Variants in CCDC178 observed in about 807,000 individuals in gnomAD.
The protein encoded by CCDC178 is coiled-coil domain-containing protein 178.
In CCDC178, 126 loss-of-function variants were observed where a neutral mutation model predicts 117.4. The ratio of observed to expected loss-of-function variants is 1.07; its 90% CI spans 0.93 to 1.24. CCDC178 has a LOEUF of 1.24. CCDC178 is among the 50% of genes most tolerant of loss of function. The pLI is 0.00. For missense variants in CCDC178, 1,030 were observed against 986.9 expected, an observed-to-expected ratio of 1.04 and a Z score of -0.59; for synonymous variants, 283 against 313.4, an observed-to-expected ratio of 0.90 and a Z score of 1.02.
chr18:33,148,963 T>C lies in CCDC178; in HGVS notation c.2239-56053A>G, dbSNP rs2058308607. On this transcript the variant is annotated intron_variant, in intron 20 of 22. Transcript: ENST00000383096. ...TTCCCAGCCCCCTTGCTAGGAGCTATGTGTCTGTTTCTGGCCAATGCGCTG... is the reference window on the plus strand; with the variant it reads ...TTCCCAGCCCCCTTGCTAGGAGCTACGTGTCTGTTTCTGGCCAATGCGCTG... Among the ~76,000 whole-genome samples, 3 of 152,316 alleles carry C rather than the reference T, an allele frequency of 2.0e-5. 1 individual carries two copies. The South Asian group carries it at 6.2e-4, about 32-fold the overall frequency.
chr18:33,340,537 C>T (rs1011860180), intron 9 of CCDC178, among the ~76,000 whole-genome samples: 29 of 152,116 alleles, frequency 1.9e-4, no homozygotes, highest in African/African-American at 7.0e-4. Context: ...CATGGCAGAC[C>T]CTCCCATCAC....
At chr18:33,234,418 A>G (rs1248012399) in intron 15 of CCDC178, among the ~76,000 whole-genome samples, 5 of 152,112 alleles carry the variant, frequency 3.3e-5, no homozygotes, top group Non-Finnish European at 5.9e-5. Flanking sequence ...ACGAAGACCA[A>G]TGAAACAAGC....
At chr18:33,102,553 T>C (rs2057645023) in intron 20 of CCDC178, among the ~76,000 whole-genome samples, 2 of 151,526 alleles carry the variant, frequency 1.3e-5, no homozygotes, top group Admixed American at 6.6e-5. Flanking sequence ...TAATACAATA[T>C]CCTTATGGGT....
intron 21 of CCDC178, among the ~76,000 whole-genome samples, chr18:33,070,497 T>C (rs1267483425): frequency 6.6e-6 from 1 of 151,382 alleles, no homozygotes; most frequent in Non-Finnish European, 1.5e-5. Flanking sequence ...AGCAGAATGA[T>C]GGTTACTAGA....
chr18:33,169,419 AC>A (rs1403439373), intron 20 of CCDC178, among the ~76,000 whole-genome samples: 1 of 152,198 alleles, frequency 6.6e-6, no homozygotes, highest in Non-Finnish European at 1.5e-5. Flanking sequence ...GTGGTGGGTC[AC>A]TAGAAAAAAA....
At position 33,271,114 on chromosome 18, in the gene CCDC178, A is replaced by G. The variant is rs148690882; in HGVS notation, c.1177-3817T>C. ...CAGGGAAAATAGTTCAAAAATATATAGTCAAATCAATTGCAAAGTAATTAA... is the reference window on the plus strand; with the variant it reads ...CAGGGAAAATAGTTCAAAAATATATGGTCAAATCAATTGCAAAGTAATTAA... On this transcript the variant is annotated intron_variant, in intron 12 of 22. Coordinates refer to ENST00000383096, the MANE Select transcript of CCDC178 (RefSeq NM_001105528.4). Among the ~76,000 whole-genome samples, 426 of 151,698 alleles carry G rather than the reference A, an allele frequency of 2.8e-3. 1 individual carries two copies. The highest frequency in any genetic ancestry group is 1.0e-2 in the African/African-American group (413 of 41,500).
rs1339537412 is a variant in CCDC178 at position 33,362,221 on chromosome 18, T to C, written c.349-5875A>G. Among the ~76,000 whole-genome samples the C allele has an allele frequency of 2.0e-5, 3 of 151,052 alleles. No individual in the cohort carries two copies. In the South Asian group the frequency reaches 6.2e-4, roughly 31 times the overall value. On this transcript the variant is annotated intron_variant, in intron 6 of 22. Transcript: ENST00000383096. ...TATATATATAGCTAATATTCAGCCT[T>C]ATAAAAAATGGAGAGCCTGTTATTT...
At chr18:33,383,792 G>A (rs1011819143) in intron 5 of CCDC178, among the ~76,000 whole-genome samples, 1 of 152,102 alleles carries the variant, frequency 6.6e-6, no homozygotes, top group African/African-American at 2.4e-5. Flanking sequence ...CTCAAAGCTG[G>A]AATGCCTATT....
intron 6 of CCDC178, among the ~76,000 whole-genome samples, chr18:33,368,189 T>C (rs1033673443): frequency 2.0e-5 from 3 of 151,958 alleles, no homozygotes; most frequent in African/African-American, 7.2e-5. Flanking sequence ...ATCTGTACAG[T>C]AGAATTTCTA....
chr18:33,101,618 C>T (rs1031004017), intron 20 of CCDC178, among the ~76,000 whole-genome samples: 2 of 151,888 alleles, frequency 1.3e-5, no homozygotes, highest in African/African-American at 4.8e-5. Flanking sequence ...ACAATAACCA[C>T]AACTTATTCT....
At chr18:33,157,570 C>T (rs1351857553) in intron 20 of CCDC178, among the ~76,000 whole-genome samples, 1 of 152,146 alleles carries the variant, frequency 6.6e-6, no homozygotes, top group African/African-American at 2.4e-5. Flanking sequence ...AAAAAACAAT[C>T]TAACAGTAAT....
At chr18:33,274,119 A>G (rs765184026) in intron 12 of CCDC178, among the ~76,000 whole-genome samples, 2 of 151,878 alleles carry the variant, frequency 1.3e-5, no homozygotes, top group Non-Finnish European at 2.9e-5. Context: ...TATACAAATG[A>G]CAAACACAGG....
intron 20 of CCDC178, among the ~76,000 whole-genome samples, chr18:33,174,958 G>T (rs1283347969): frequency 6.6e-6 from 1 of 152,032 alleles, no homozygotes; most frequent in Non-Finnish European, 1.5e-5. Context: ...AGGTTCAAGT[G>T]ATTCTCCTGC....
At chr18:32,981,927 G>C (rs2055161938) in intron 21 of CCDC178, among the ~76,000 whole-genome samples, 1 of 152,058 alleles carries the variant, frequency 6.6e-6, no homozygotes, top group Non-Finnish European at 1.5e-5. Flanking sequence ...ATATTTTCAT[G>C]AGAATTTGAA....
intron 20 of CCDC178, among the ~76,000 whole-genome samples, chr18:33,127,434 TTTTGTTTG>T (rs1219856339): frequency 1.3e-5 from 2 of 152,084 alleles, no homozygotes; most frequent in Non-Finnish European, 2.9e-5. Flanking sequence ...TGATCAGTTT[TTTTGTTTG>T]TTTGTTTTTT....
intron 21 of CCDC178, among the ~76,000 whole-genome samples, chr18:32,993,380 C>G (rs1033888610): frequency 1.3e-5 from 2 of 152,164 alleles, no homozygotes; most frequent in Admixed American, 6.5e-5. Flanking sequence ...CTTACTATGG[C>G]AATGACCCGA....
At chr18:33,431,985 C>G (rs2064225654) in intron 2 of CCDC178, among the ~76,000 whole-genome samples, 1 of 152,148 alleles carries the variant, frequency 6.6e-6, no homozygotes, top group Admixed American at 6.5e-5. Context: ...ATGGTAGCAG[C>G]AAAGGAGGTG....
At chr18:33,061,156 T>TC (rs1271044722) in intron 21 of CCDC178, among the ~76,000 whole-genome samples, 1 of 152,120 alleles carries the variant, frequency 6.6e-6, no homozygotes, top group Admixed American at 6.5e-5. Flanking sequence ...CAGTTTTATA[T>TC]CCAGTTCTAT....
chr18:32,946,144 C>T (rs2054341150), intron 22 of CCDC178, among the ~76,000 whole-genome samples: 1 of 152,104 alleles, frequency 6.6e-6, no homozygotes, highest in Non-Finnish European at 1.5e-5. Context: ...TAACCTACTT[C>T]TAGGGAGGCT....
Sources: allele counts gnomAD v4.1 joint callset (sites outside exome capture counted in the v4.1 genomes callset), GRCh38; gene constraint gnomAD v4.1.1; transcripts MANE v1.5; gene names NCBI Gene and HGNC (gene_info 2026-07-23, HGNC 2026-07-21).